ANKRD28: variants seen among roughly 807,000 people sequenced by gnomAD.
ANKRD28 encodes the protein ankyrin repeat domain 28.
Under a neutral mutation model 126.5 loss-of-function variants are expected in ANKRD28, and 44 were observed. That is an observed-to-expected ratio of 0.35 (90% CI 0.27 to 0.45). The LOEUF (loss-of-function observed/expected upper bound fraction) is 0.45. Among genes scored for constraint, ANKRD28 ranks in the 20% least tolerant of loss-of-function variants. ANKRD28 has a pLI of 1.00. For synonymous variants in ANKRD28, 442 were observed against 468.5 expected (o/e 0.94, Z 0.73); for missense variants, 1,110 against 1,316.6 (o/e 0.84, Z 2.43).
chr3:15,773,171 AGTT>A (rs1246235187), intron 2 of ANKRD28, among the ~76,000 whole-genome samples: 2 of 152,150 alleles, frequency 1.3e-5, no homozygotes, highest in Non-Finnish European at 2.9e-5. Context: ...AGTTTAGAAA[AGTT>A]GTTGAATGCA....
intron 4 of ANKRD28, among the ~76,000 whole-genome samples, chr3:15,749,745 A>G (rs2057745750): frequency 6.6e-6 from 1 of 152,280 alleles, no homozygotes; most frequent in South Asian, 2.1e-4. Flanking sequence ...TGAGAGCCAA[A>G]CTGTAGTGAT....
intron 3 of ANKRD28, among the ~76,000 whole-genome samples, chr3:15,765,312 A>G (rs1209013536): frequency 1.3e-5 from 2 of 152,216 alleles, no homozygotes; most frequent in African/African-American, 4.8e-5. Context: ...AGAAAAAATA[A>G]TAAAGGAGTA....
chr3:15,733,291 G>A (rs2074782338), intron 6 of ANKRD28: 1 of 152,274 alleles, frequency 6.6e-6, no homozygotes, highest in African/African-American at 2.4e-5. Flanking sequence ...CTTTTCGAAG[G>A]AGAAATACTG....
At chr3:15,688,961 C>T (rs550479140) in intron 18 of ANKRD28, among the ~76,000 whole-genome samples, 34 of 152,320 alleles carry the variant, frequency 2.2e-4, no homozygotes, top group Middle Eastern at 3.4e-3. Context: ...AAAATAACTT[C>T]TACCAGAAAG....
intron 17 of ANKRD28, among the ~76,000 whole-genome samples, chr3:15,691,571 T>C (rs1485147794): frequency 1.3e-5 from 2 of 152,232 alleles, no homozygotes; most frequent in South Asian, 4.1e-4. Context: ...AGGACTATAA[T>C]GCCATTTCTT....
chr3:15,834,667 T>C lies in ANKRD28; in HGVS notation c.27+24710A>G, dbSNP rs181019758. Among the ~76,000 whole-genome samples, 14 of 152,328 alleles carry C rather than the reference T, an allele frequency of 9.2e-5. No individual in the cohort carries two copies. In the East Asian group the frequency reaches 2.7e-3, roughly 29 times the overall value. ...GGGACATTTTTCTCCTTTCATTTCA[T>C]ACTTCTATGAAAAACTGGTAGCAAA... On this transcript the variant is annotated intron_variant, in intron 1 of 27. Transcript: ENST00000399451.
chr3:15,760,824 T>A (rs1223558907), intron 3 of ANKRD28, among the ~76,000 whole-genome samples: 1 of 152,146 alleles, frequency 6.6e-6, no homozygotes, highest in Non-Finnish European at 1.5e-5. Context: ...AGCCAGAGAA[T>A]CAATCTTTAA....
chr3:15,806,827 T>C (rs2060592192), intron 1 of ANKRD28, among the ~76,000 whole-genome samples: 2 of 152,120 alleles, frequency 1.3e-5, no homozygotes, highest in South Asian at 2.1e-4. Context: ...CGGCCCATCA[T>C]GACATCTTAA....
rs145666805 is a variant in ANKRD28, at chr3:15,803,025, C to A, written c.28-7719G>T. Among the ~76,000 whole-genome samples, 663 of 152,212 alleles carry A rather than the reference C, an allele frequency of 4.4e-3. 6 individuals carry two copies. Among genetic ancestry groups the A allele is most frequent in the African/African-American group, 0.015 (615 of 41,532 alleles). On this transcript the variant is annotated intron_variant, in intron 1 of 27. Transcript: ENST00000399451. The stretch of plus-strand genomic sequence containing the variant: ...TGGGTGGCCCATGTGGCTGGGGAAG[C>A]AATCATGAGGGACAATATCACATGC...
chr3:15,742,155 C>T (rs1398754373), intron 4 of ANKRD28, among the ~76,000 whole-genome samples: 1 of 151,926 alleles, frequency 6.6e-6, no homozygotes, highest in Non-Finnish European at 1.5e-5. Flanking sequence ...TGCCCGGCCG[C>T]CACCCCGTCT....
chr3:15,724,315 T>TGTCA (rs1048825994), intron 7 of ANKRD28, 67 bp downstream of exon 7: 2 of 1,325,568 alleles, frequency 1.5e-6, no homozygotes, highest in African/African-American at 3.0e-5. Context: ...TGAAATAACT[T>TGTCA]GTCAATAATG....
intron 14 of ANKRD28, among the ~76,000 whole-genome samples, chr3:15,697,035 T>C (rs1213235387): frequency 6.6e-6 from 1 of 152,130 alleles, no homozygotes; most frequent in Admixed American, 6.6e-5. Flanking sequence ...ATGAAACAAG[T>C]CTATTTAGGC....
rs115811548 is a variant in ANKRD28 at position 15,855,546 on chromosome 3, G to A, written c.27+3831C>T. On this transcript the variant is annotated intron_variant, in intron 1 of 27. Coordinates refer to the ANKRD28 transcript ENST00000399451. Reference sequence around the variant, plus strand: ...CCCAGATTACACATATGCATACCACGGAAGGCAGTGAGATGACCTGAGTAC... The same window carrying A: ...CCCAGATTACACATATGCATACCACAGAAGGCAGTGAGATGACCTGAGTAC... Among the ~76,000 whole-genome samples the A allele has an allele frequency of 6.2e-3, 951 of 152,252 alleles. 20 individuals carry two copies. Among genetic ancestry groups the A allele is most frequent in the African/African-American group, 0.022 (917 of 41,544 alleles).
chr3:15,773,062 A>G (rs996912439), intron 2 of ANKRD28, among the ~76,000 whole-genome samples: 4 of 152,112 alleles, frequency 2.6e-5, no homozygotes, highest in Admixed American at 2.6e-4. Flanking sequence ...AATCTTATCA[A>G]TTGAGAGGGA....
At chr3:15,704,163 TAGC>T (rs2071023471) in intron 14 of ANKRD28, among the ~76,000 whole-genome samples, 1 of 152,184 alleles carries the variant, frequency 6.6e-6, no homozygotes, top group Admixed American at 6.6e-5. Flanking sequence ...TTCATTGCGA[TAGC>T]AGCCATATAT....
chr3:15,719,679 C>T (rs1014676421), intron 8 of ANKRD28, among the ~76,000 whole-genome samples: 6 of 152,028 alleles, frequency 3.9e-5, no homozygotes, highest in Non-Finnish European at 5.9e-5. Context: ...AGTGATCCTC[C>T]AGCCTCAGCC....
chr3:15,730,154 C>T (rs1239693666), intron 6 of ANKRD28, among the ~76,000 whole-genome samples: 3 of 152,106 alleles, frequency 2.0e-5, no homozygotes, highest in Admixed American at 2.0e-4. Context: ...CCATGCCCAG[C>T]CCATGGTAAA....
chr3:15,724,068 T>G (rs2073982569), intron 7 of ANKRD28, among the ~76,000 whole-genome samples: 1 of 152,212 alleles, frequency 6.6e-6, no homozygotes, highest in African/African-American at 2.4e-5. Flanking sequence ...CCCAGCTATC[T>G]AATAATACAA....
intron 14 of ANKRD28, among the ~76,000 whole-genome samples, chr3:15,699,028 G>C (rs916576350): frequency 2.0e-5 from 3 of 152,142 alleles, no homozygotes; most frequent in Non-Finnish European, 4.4e-5. Flanking sequence ...GCATGGTACT[G>C]GTAGCAAAAG....
Sources: gnomAD v4.1 joint callset for allele counts (sites outside exome capture counted in the v4.1 genomes callset) on GRCh38, gnomAD v4.1.1 for gene constraint, MANE v1.5 for transcripts, NCBI Gene and HGNC (gene_info 2026-07-23, HGNC 2026-07-21) for gene names.